The following ZCCHC4 variants were observed in gnomAD, a reference collection of about 807,000 sequenced individuals.
ZCCHC4 encodes the protein zinc finger CCHC-type containing 4, also known as rRNA N(6)-adenosine-methyltransferase ZCCHC4.
In ZCCHC4, 54 loss-of-function variants were observed where a neutral mutation model predicts 67.7. The ratio of observed to expected loss-of-function variants is 0.80; its 90% confidence interval spans 0.64 to 1.00. The LOEUF (loss-of-function observed/expected upper bound fraction) is 1.00. Ranked by LOEUF, ZCCHC4 falls within the 50% of genes least tolerant of loss-of-function variation. ZCCHC4 has a pLI of 0.00. For missense variants in ZCCHC4, 609 were observed against 617.0 expected (o/e 0.99, Z 0.14); for synonymous variants, 198 against 213.5 (o/e 0.93, Z 0.63).
chr4:25,334,022 G>T (rs753308654), intron 5 of ZCCHC4, 34 bp downstream of exon 5: 40 of 1,372,218 alleles, frequency 2.9e-5, no homozygotes. Flanking sequence ...TCCTTTCATT[G>T]TCTCCTGTTT....
intron 12 of ZCCHC4, among the ~76,000 whole-genome samples, chr4:25,366,721 T>G (rs1305693761): frequency 6.6e-6 from 1 of 152,256 alleles, no homozygotes; most frequent in African/African-American, 2.4e-5. Flanking sequence ...AGTGTGATTC[T>G]GTGTGGTAGT....
chr4:25,349,864 A>G (rs1359371299), intron 7 of ZCCHC4, among the ~76,000 whole-genome samples: 2 of 152,042 alleles, frequency 1.3e-5, no homozygotes, highest in South Asian at 4.1e-4. Context: ...GTAAAATACT[A>G]TGTTTTTGAT....
chr4:25,366,470 C>A (rs1380837312), intron 12 of ZCCHC4: 1 of 186,502 alleles, frequency 5.4e-6, no homozygotes. Context: ...CGCCTGCCAC[C>A]ATGCCCGGCT....
intron 12 of ZCCHC4, 108 bp from the exon 13 acceptor site, chr4:25,368,921 T>C: frequency 7.6e-7 from 1 of 1,313,740 alleles, no homozygotes. Flanking sequence ...AGTAGATTCT[T>C]TCCCTTCTTC....
At chr4:25,353,664 CA>C (rs1414322942) in intron 8 of ZCCHC4, among the ~76,000 whole-genome samples, 9 of 152,160 alleles carry the variant, frequency 5.9e-5, no homozygotes, top group African/African-American at 9.7e-5. Context: ...ACCCTGGAGT[CA>C]AAAAGGATCT....
chr4:25,316,615 A>G (rs1167282306), intron 3 of ZCCHC4, among the ~76,000 whole-genome samples: 2 of 142,378 alleles, frequency 1.4e-5, no homozygotes, highest in East Asian at 2.0e-4. Flanking sequence ...CTATTTATGT[A>G]TGATCTTTGG....
At chr4:25,341,003 T>C (rs1377604009) in intron 5 of ZCCHC4, among the ~76,000 whole-genome samples, 1 of 152,016 alleles carries the variant, frequency 6.6e-6, no homozygotes. Flanking sequence ...TAATATCGTC[T>C]CTTCCTTATG....
chr4:25,360,854 C>T (rs1253386870), intron 8 of ZCCHC4, among the ~76,000 whole-genome samples: 1 of 152,216 alleles, frequency 6.6e-6, no homozygotes, highest in Non-Finnish European at 1.5e-5. Context: ...GCCTAGACTG[C>T]TGTTGCAGTC....
At chr4:25,322,041 A>G (rs539209044) in intron 3 of ZCCHC4, among the ~76,000 whole-genome samples, 6 of 152,342 alleles carry the variant, frequency 3.9e-5, no homozygotes, top group African/African-American at 1.4e-4. Context: ...TGTTTGGCTG[A>G]CGGCAATTAT....
chr4:25,331,085 G>A (rs1337908444), intron 3 of ZCCHC4, among the ~76,000 whole-genome samples: 1 of 152,082 alleles, frequency 6.6e-6, no homozygotes, highest in Non-Finnish European at 1.5e-5. Context: ...GCTGTGTTTC[G>A]GTTCTCCATC....
chr4:25,335,653 C>T (rs902117418), intron 5 of ZCCHC4, among the ~76,000 whole-genome samples: 5 of 151,488 alleles, frequency 3.3e-5, no homozygotes, highest in Admixed American at 6.6e-5. Context: ...CCAGCTACTC[C>T]GGAGGCTGAG....
intron 12 of ZCCHC4, among the ~76,000 whole-genome samples, chr4:25,366,686 A>T (rs1290924229): frequency 1.3e-5 from 2 of 152,216 alleles, no homozygotes; most frequent in African/African-American, 2.4e-5. Context: ...TAATCATATT[A>T]GTCTGGGATT....
chr4:25,324,014 GT>G (rs71188998), intron 3 of ZCCHC4, among the ~76,000 whole-genome samples: 8,725 of 82,528 alleles, frequency 0.11, 819 homozygotes, highest in Middle Eastern at 0.18. Context: ...TGTTTTTTGT[GT>G]TTTTTTTTTT....
At chr4:25,323,036 G>A (rs1029648720) in intron 3 of ZCCHC4, among the ~76,000 whole-genome samples, 3 of 152,162 alleles carry the variant, frequency 2.0e-5, no homozygotes, top group African/African-American at 7.2e-5. Context: ...GGCAGATAAT[G>A]TTTGGTTGTT....
chr4:25,323,541 G>A (rs918637800), intron 3 of ZCCHC4, among the ~76,000 whole-genome samples: 1 of 152,146 alleles, frequency 6.6e-6, no homozygotes, highest in Non-Finnish European at 1.5e-5. Flanking sequence ...GGGGTTGTAT[G>A]TAGGGTGACT....
intron 5 of ZCCHC4, among the ~76,000 whole-genome samples, chr4:25,335,910 C>T (rs1719435431): frequency 6.6e-6 from 1 of 152,210 alleles, no homozygotes; most frequent in Admixed American, 6.5e-5. Flanking sequence ...GGTAACCACT[C>T]ATCCCTTGTT....
intron 5 of ZCCHC4, among the ~76,000 whole-genome samples, chr4:25,339,156 C>T (rs932851967): frequency 6.6e-6 from 1 of 152,144 alleles, no homozygotes; most frequent in South Asian, 2.1e-4. Context: ...GGATACCAGT[C>T]AGATTGGAGT....
chr4:25,356,153 A>G (rs933937994), intron 8 of ZCCHC4, among the ~76,000 whole-genome samples: 6 of 152,358 alleles, frequency 3.9e-5, no homozygotes, highest in African/African-American at 9.6e-5. Context: ...TCATTTCTAT[A>G]CAGTACTTCA....
At chr4:25,361,802 CTT>C (rs1374994404) in intron 8 of ZCCHC4, 55 bp from the exon 9 acceptor site, 1 of 1,504,378 alleles carries the variant, frequency 6.6e-7, no homozygotes, top group African/African-American at 1.4e-5. Flanking sequence ...GTTAAAGAAT[CTT>C]AATGTTGACT....
Sources: gnomAD v4.1 joint callset for allele counts (sites outside exome capture counted in the v4.1 genomes callset) on GRCh38, gnomAD v4.1.1 for gene constraint, MANE v1.5 for transcripts, NCBI Gene and HGNC (gene_info 2026-07-23, HGNC 2026-07-21) for gene names.